The following EYA4 variants were observed in gnomAD, a reference collection of about 807,000 sequenced individuals.
EYA4 encodes protein phosphatase EYA4.
In EYA4, 31 loss-of-function variants were observed where a neutral mutation model predicts 87.9. The ratio of observed to expected loss-of-function variants is 0.35; its 90% CI spans 0.27 to 0.48. EYA4 has a LOEUF of 0.48. Among genes scored for constraint, EYA4 ranks in the 20% least tolerant of loss-of-function variants. The probability of loss-of-function intolerance (pLI) is 0.99; values close to 1 mark genes in which losing one functional copy is unlikely to be tolerated. For synonymous variants in EYA4, 263 were observed against 270.6 expected (o/e 0.97, Z 0.28); for missense variants, 678 against 761.4 (o/e 0.89, Z 1.29).
intron 11 of EYA4, among the ~76,000 whole-genome samples, chr6:133,470,124 G>C (rs896272555): frequency 4.0e-5 from 6 of 149,342 alleles, no homozygotes; most frequent in Non-Finnish European, 3.0e-5. Flanking sequence ...GTTGGCTTTT[G>C]TTGCCATTGC....
intron 2 of EYA4, among the ~76,000 whole-genome samples, chr6:133,379,928 G>A (rs1263106644): frequency 6.6e-6 from 1 of 152,042 alleles, no homozygotes; most frequent in Non-Finnish European, 1.5e-5. Flanking sequence ...ACTGACCAAA[G>A]GTTAAATTCC....
At chr6:133,483,143 G>T (rs1460712036) in intron 13 of EYA4, 28 bp downstream of exon 13, 1 of 1,544,434 alleles carries the variant, frequency 6.5e-7, no homozygotes, top group South Asian at 1.1e-5. Context: ...GTTACTCCAA[G>T]AAATCTTGTT....
chr6:133,311,558 C>T (rs1482969921), intron 2 of EYA4, among the ~76,000 whole-genome samples: 3 of 151,182 alleles, frequency 2.0e-5, no homozygotes, highest in Non-Finnish European at 2.9e-5. Flanking sequence ...GGCTCAAGCA[C>T]TCCTCTTGGT....
chr6:133,421,216 A>G (rs1298824318), intron 3 of EYA4, among the ~76,000 whole-genome samples: 2 of 152,176 alleles, frequency 1.3e-5, no homozygotes, highest in African/African-American at 4.8e-5. Context: ...AGAAAGAACC[A>G]CTGCTGTTCC....
chr6:133,313,830 G>A (rs1026633188), intron 2 of EYA4, among the ~76,000 whole-genome samples: 8 of 152,134 alleles, frequency 5.3e-5, no homozygotes, highest in African/African-American at 1.9e-4. Flanking sequence ...TGACTATAGA[G>A]AAATCATGTT....
intron 2 of EYA4, among the ~76,000 whole-genome samples, chr6:133,381,484 A>T (rs976223934): frequency 1.3e-5 from 2 of 152,118 alleles, no homozygotes; most frequent in African/African-American, 4.8e-5. Flanking sequence ...TCCTCATGGT[A>T]TATATTCAGT....
intron 2 of EYA4, among the ~76,000 whole-genome samples, chr6:133,288,752 A>C (rs562119073): frequency 6.6e-6 from 1 of 152,304 alleles, no homozygotes; most frequent in South Asian, 2.1e-4. Context: ...ATGAACTGTA[A>C]GAAACTGAGA....
intron 2 of EYA4, among the ~76,000 whole-genome samples, chr6:133,366,230 G>A (rs952804889): frequency 2.0e-5 from 3 of 152,158 alleles, no homozygotes; most frequent in African/African-American, 7.2e-5. Context: ...TCCTGTTTCC[G>A]GCTTTACCTA....
intron 3 of EYA4, among the ~76,000 whole-genome samples, chr6:133,438,254 G>T (rs569417617): frequency 6.6e-6 from 1 of 151,682 alleles, no homozygotes. Flanking sequence ...ATTGCATTTC[G>T]GTTTCCTGTG....
intron 14 of EYA4, among the ~76,000 whole-genome samples, chr6:133,509,788 A>G (rs1798982399): frequency 6.6e-6 from 1 of 151,536 alleles, no homozygotes; most frequent in African/African-American, 2.4e-5. Context: ...AATATTTTCA[A>G]ATGTTTGAGT....
chr6:133,515,349 C>G lies in EYA4; in HGVS notation c.1530C>G (p.Ala510=). Residue 510 remains alanine (A), a synonymous_variant, in exon 17 of 20, where the codon GCC becomes GCG. Transcript: ENST00000355286. ...GGLLGPAKRD[A]WLQLRAEIEG... ...TCCTTGGCCCTGCCAAGAGGGATGCCTGGCTACAGTTAAGGGCAGAGATTG... is the reference window on the plus strand; with the variant it reads ...TCCTTGGCCCTGCCAAGAGGGATGCGTGGCTACAGTTAAGGGCAGAGATTG... 1 of 1,613,228 alleles carries G rather than the reference C, an allele frequency of 6.2e-7. No individual in the cohort carries two copies. The highest frequency in any genetic ancestry group is 2.2e-5 in the East Asian group (1 of 44,880).
intron 2 of EYA4, among the ~76,000 whole-genome samples, chr6:133,363,623 C>T (rs1457423784): frequency 6.9e-5 from 10 of 144,320 alleles, no homozygotes; most frequent in Non-Finnish European, 1.1e-4. Context: ...TACAGGCGCA[C>T]GCTGCCACGC....
chr6:133,292,213 T>A (rs1778545579), intron 2 of EYA4, among the ~76,000 whole-genome samples: 1 of 152,214 alleles, frequency 6.6e-6, no homozygotes, highest in Non-Finnish European at 1.5e-5. Flanking sequence ...TGCACAAAAT[T>A]ACTCTGCAAA....
chr6:133,375,672 T>C (rs1785622673), intron 2 of EYA4, among the ~76,000 whole-genome samples: 1 of 151,796 alleles, frequency 6.6e-6, no homozygotes, highest in Admixed American at 6.6e-5. Flanking sequence ...GGCCAGTCAA[T>C]TGAGATGCAT....
intron 10 of EYA4, 125 bp downstream of exon 10, chr6:133,464,983 C>T (rs1794724485): frequency 1.5e-6 from 1 of 671,516 alleles, no homozygotes; most frequent in East Asian, 2.8e-5. Flanking sequence ...ATTATGATAG[C>T]ATTTCAGGAT....
intron 2 of EYA4, among the ~76,000 whole-genome samples, chr6:133,375,837 G>A (rs1257699870): frequency 6.6e-6 from 1 of 151,746 alleles, no homozygotes; most frequent in Non-Finnish European, 1.5e-5. Flanking sequence ...ATTTCAAGAA[G>A]TCTTTTATTT....
intron 2 of EYA4, among the ~76,000 whole-genome samples, chr6:133,381,701 T>A (rs1472454217): frequency 6.6e-6 from 1 of 152,170 alleles, no homozygotes; most frequent in Non-Finnish European, 1.5e-5. Context: ...GATATAGATA[T>A]AAGTGCTTGA....
At chr6:133,516,585 G>A (rs371276263) in intron 17 of EYA4, among the ~76,000 whole-genome samples, 130 of 151,332 alleles carry the variant, frequency 8.6e-4, no homozygotes, top group African/African-American at 3.0e-3. Context: ...TTAGCTGGTC[G>A]TGGTGGTGCA....
chr6:133,426,236 C>T (rs1407294135), intron 3 of EYA4, among the ~76,000 whole-genome samples: 2 of 152,158 alleles, frequency 1.3e-5, no homozygotes, highest in African/African-American at 4.8e-5. Context: ...GGCTTTTTAC[C>T]TTTGAATCTA....
Sources: allele counts gnomAD v4.1 joint callset (sites outside exome capture counted in the v4.1 genomes callset), GRCh38; gene constraint gnomAD v4.1.1; transcripts MANE v1.5; gene names NCBI Gene and HGNC (gene_info 2026-07-23, HGNC 2026-07-21).